The following WWOX variants were observed in gnomAD, a reference collection of about 807,000 sequenced individuals.
WWOX encodes WW domain-containing oxidoreductase.
WWOX carries 69 observed loss-of-function variants against 46.2 expected under a neutral mutation model. The ratio of observed to expected loss-of-function variants is 1.49; its 90% CI spans 1.23 to 1.82. The LOEUF is 1.82. Among genes scored for constraint, WWOX ranks in the 40% most tolerant of loss-of-function variants. The pLI is 0.00. For synonymous variants in WWOX, 359 were observed against 202.6 expected, an observed-to-expected ratio of 1.77 and a Z score of -6.56; for missense variants, 919 against 542.6, an observed-to-expected ratio of 1.69 and a Z score of -6.89.
At chr16:78,652,795 A>C (rs1434365615) in intron 8 of WWOX, among the ~76,000 whole-genome samples, 2 of 152,144 alleles carry the variant, frequency 1.3e-5, no homozygotes, top group African/African-American at 4.8e-5. Context: ...TATATATTAG[A>C]CTGTGAATTT....
At chr16:78,137,914 A>T (rs555070961) in intron 4 of WWOX, among the ~76,000 whole-genome samples, 1 of 150,974 alleles carries the variant, frequency 6.6e-6, no homozygotes, top group East Asian at 1.9e-4. Context: ...CCTAAATCTT[A>T]TCCATAGTGT....
At chr16:78,822,870 C>T (rs1346179048) in intron 8 of WWOX, among the ~76,000 whole-genome samples, 1 of 150,176 alleles carries the variant, frequency 6.7e-6, no homozygotes, top group South Asian at 2.1e-4. Flanking sequence ...GGAGGAAGAG[C>T]TAAAAAAGAT....
chr16:78,654,903 G>C (rs1046317974), intron 8 of WWOX, among the ~76,000 whole-genome samples: 1 of 152,022 alleles, frequency 6.6e-6, no homozygotes, highest in Non-Finnish European at 1.5e-5. Context: ...ATATGTGTAT[G>C]TGTGTGCATG....
chr16:78,734,425 G>C (rs1417866091), intron 8 of WWOX, among the ~76,000 whole-genome samples: 1 of 152,132 alleles, frequency 6.6e-6, no homozygotes, highest in Admixed American at 6.5e-5. Flanking sequence ...GTAAATGTTT[G>C]TTGCATGAAT....
At chr16:78,610,916 C>A (rs148343827) in intron 8 of WWOX, among the ~76,000 whole-genome samples, 1 of 152,148 alleles carries the variant, frequency 6.6e-6, no homozygotes, top group Non-Finnish European at 1.5e-5. Context: ...TCTCATTAAG[C>A]ACAGGACAGT....
At chr16:78,827,379 A>G (rs540298151) in intron 8 of WWOX, among the ~76,000 whole-genome samples, 2 of 151,982 alleles carry the variant, frequency 1.3e-5, no homozygotes, top group South Asian at 2.1e-4. Flanking sequence ...GGTGTCATCA[A>G]CTCACAGAGG....
At chr16:78,177,923 G>A (rs942870054) in intron 5 of WWOX, among the ~76,000 whole-genome samples, 3 of 152,298 alleles carry the variant, frequency 2.0e-5, no homozygotes, top group South Asian at 2.1e-4. Context: ...GTCCATCCAC[G>A]GAGCCTCAAA....
chr16:78,422,850 C>CAG lies in WWOX; in HGVS notation c.606-2019_606-2018insGA, dbSNP rs1442320937. 1.6e-4 allele frequency among the ~76,000 whole-genome samples: 15 copies of CAG among 93,254 alleles called. 1 individual carries two copies. Among genetic ancestry groups the CAG allele is most frequent in the African/African-American group, 9.6e-4 (15 of 15,630 alleles). 61.2% of individuals were successfully genotyped at this position (93,254 alleles called of 152,430 possible). ...ACATATATATATATACATATACACA[C>CAG]ACACACACACACACACACACACACA... is the stretch of plus-strand genomic sequence containing the variant. On this transcript the variant is annotated intron_variant, in intron 6 of 8. Transcript: ENST00000566780.
intron 8 of WWOX, among the ~76,000 whole-genome samples, chr16:78,711,008 G>A (rs973132571): frequency 6.6e-6 from 1 of 152,246 alleles, no homozygotes; most frequent in East Asian, 1.9e-4. Flanking sequence ...TAACTTACAT[G>A]TTTGTCAAGG....
chr16:78,747,806 T>A (rs1363714019), intron 8 of WWOX, among the ~76,000 whole-genome samples: 1 of 152,072 alleles, frequency 6.6e-6, no homozygotes, highest in Non-Finnish European at 1.5e-5. Flanking sequence ...CATACCAGAG[T>A]TTAGTCCTAC....
intron 3 of WWOX, among the ~76,000 whole-genome samples, chr16:78,110,663 T>C (rs1362437633): frequency 2.0e-5 from 3 of 152,242 alleles, no homozygotes; most frequent in Non-Finnish European, 4.4e-5. Flanking sequence ...AGTAACCACC[T>C]GTCCAACATA....
chr16:79,094,506 C>T (rs1366608280), intron 8 of WWOX, among the ~76,000 whole-genome samples: 2 of 152,186 alleles, frequency 1.3e-5, no homozygotes, highest in African/African-American at 4.8e-5. Context: ...CCCACCTCGG[C>T]CTCCCAAAGT....
chr16:78,691,751 C>CA, intron 8 of WWOX, among the ~76,000 whole-genome samples: 1 of 152,234 alleles, frequency 6.6e-6, no homozygotes, highest in East Asian at 1.9e-4. Flanking sequence ...TCTACCCTTG[C>CA]AGTATCCCTG....
chr16:78,347,016 C>T (rs574779483), intron 5 of WWOX, among the ~76,000 whole-genome samples: 6 of 119,426 alleles, frequency 5.0e-5, no homozygotes, highest in African/African-American at 1.1e-4. Context: ...TGAGCCACAG[C>T]GCCCGGTGGT....
At chr16:78,427,558 G>A (rs182953424) in intron 7 of WWOX, among the ~76,000 whole-genome samples, 60 of 149,138 alleles carry the variant, frequency 4.0e-4, no homozygotes, top group African/African-American at 1.4e-3. Context: ...ACACACACAC[G>A]GAGTTTCTCA....
At chr16:78,366,968 C>CG (rs1567528529) in intron 5 of WWOX, among the ~76,000 whole-genome samples, 8 of 91,114 alleles carry the variant, frequency 8.8e-5, no homozygotes, top group Non-Finnish European at 1.4e-4. Context: ...ACAAAAGTTA[C>CG]ATTTTTTTTT....
intron 5 of WWOX, among the ~76,000 whole-genome samples, chr16:78,309,449 T>G (rs1207036500): frequency 6.6e-6 from 1 of 152,192 alleles, no homozygotes; most frequent in Non-Finnish European, 1.5e-5. Flanking sequence ...AATGGGCTAA[T>G]ATACCACGTA....
At chr16:78,365,563 A>T (rs2081516806) in intron 5 of WWOX, among the ~76,000 whole-genome samples, 1 of 152,164 alleles carries the variant, frequency 6.6e-6, no homozygotes, top group Non-Finnish European at 1.5e-5. Flanking sequence ...CCCCAGTAGG[A>T]TTCTGGAATT....
intron 5 of WWOX, among the ~76,000 whole-genome samples, chr16:78,266,628 A>G (rs991429905): frequency 2.6e-5 from 4 of 151,860 alleles, no homozygotes; most frequent in Non-Finnish European, 4.4e-5. Context: ...GAGCTTTTTT[A>G]TTTTTCTCAA....
Sources: allele counts gnomAD v4.1 joint callset (sites outside exome capture counted in the v4.1 genomes callset), GRCh38; gene constraint gnomAD v4.1.1; transcripts MANE v1.5; gene names NCBI Gene and HGNC (gene_info 2026-07-23, HGNC 2026-07-21).